The following DHRS7C variants were observed in gnomAD, a reference collection of about 807,000 sequenced individuals.
DHRS7C encodes the protein dehydrogenase/reductase 7C.
In DHRS7C, 28 loss-of-function variants were observed where a neutral mutation model predicts 29.6. The observed-to-expected ratio is 0.95, with a 90% confidence interval of 0.70 to 1.30. The LOEUF is 1.30. DHRS7C is among the 50% of genes most tolerant of loss of function. The pLI is 0.00. For synonymous variants in DHRS7C, 158 were observed against 160.2 expected (o/e 0.99, Z 0.10); for missense variants, 403 against 393.3 (o/e 1.02, Z -0.21).
At position 9,777,177 on chromosome 17, in the gene DHRS7C, T is replaced by A; in HGVS notation, c.571+16A>T. ...CATACAACAGAAGATATCATATTTTTATCTTAGCAACTTACAAGTCGTACG... is the reference window on the plus strand; with the variant it reads ...CATACAACAGAAGATATCATATTTTAATCTTAGCAACTTACAAGTCGTACG... On this transcript the variant is annotated intron_variant, in intron 4 of 5. Coordinates refer to ENST00000571134, the MANE Select transcript of DHRS7C (RefSeq NM_001105571.3). 1 of 1,604,016 alleles carries A rather than the reference T, an allele frequency of 6.2e-7. No individual in the cohort carries two copies. Among genetic ancestry groups the A allele is most frequent in the Non-Finnish European group, 8.5e-7 (1 of 1,172,442 alleles).
rs150575771 is a variant in DHRS7C at position 9,778,980 on chromosome 17, G to T, written c.478+845C>A. On this transcript the variant is annotated intron_variant, in intron 3 of 5. Transcript: ENST00000571134. ...GATGGAGTGCAATGGTGTGATCTTG[G>T]CTCACTGCAACATCAGCCTCCCAGG... is the stretch of plus-strand genomic sequence containing the variant. Among the ~76,000 whole-genome samples, 669 of 152,064 alleles carry T rather than the reference G, an allele frequency of 4.4e-3. 6 individuals are homozygous for T. The highest frequency in any genetic ancestry group is 0.016 in the African/African-American group (649 of 41,502).
chr17:9,778,693 C>T (rs1448294118), intron 3 of DHRS7C, among the ~76,000 whole-genome samples: 1 of 152,178 alleles, frequency 6.6e-6, no homozygotes, highest in Non-Finnish European at 1.5e-5. Context: ...AGTCATCTTT[C>T]TGCCCCAAAT....
intron 1 of DHRS7C, among the ~76,000 whole-genome samples, chr17:9,790,889 T>G (rs577245430): frequency 1.3e-5 from 2 of 152,290 alleles, no homozygotes; most frequent in South Asian, 4.1e-4. Context: ...GCAGACCAGT[T>G]TTAGCCCTTA....
chr17:9,780,115 C>G, intron 2 of DHRS7C, 80 bp from the exon 3 acceptor site: 2 of 1,232,868 alleles, frequency 1.6e-6, no homozygotes, highest in Non-Finnish European at 2.2e-6. Flanking sequence ...GATCTAAAAG[C>G]CACCCATTTT....
intron 3 of DHRS7C, 66 bp from the exon 4 acceptor site, chr17:9,777,351 A>G: frequency 1.4e-6 from 2 of 1,403,788 alleles, no homozygotes; most frequent in Non-Finnish European, 2.0e-6. Context: ...CAGCAGGCAG[A>G]CCCCTGCCCC....
At chr17:9,786,716 T>C (rs888906360) in intron 1 of DHRS7C, among the ~76,000 whole-genome samples, 2 of 152,064 alleles carry the variant, frequency 1.3e-5, no homozygotes, top group African/African-American at 4.8e-5. Context: ...AGAATGATGG[T>C]TGGATATTAC....
Position 9,786,188 on chromosome 17 carries a change from A to T in DHRS7C, c.155-4594T>A, listed in dbSNP as rs762780956. ...AAATACAAAAAAATATTAGCCGGGC[A>T]TGGTGGCAGGTGCCTGTAATCCCAG... On this transcript the variant is annotated intron_variant, in intron 1 of 5. Transcript: ENST00000571134. 2.0e-5 allele frequency among the ~76,000 whole-genome samples: 3 copies of T among 152,012 alleles called. No homozygotes were observed. The East Asian group carries it at 5.8e-4, about 29-fold the overall frequency.
chr17:9,777,406 T>A, intron 3 of DHRS7C, 121 bp from the exon 4 acceptor site: 2 of 667,170 alleles, frequency 3.0e-6, no homozygotes, highest in Non-Finnish European at 5.0e-6. Context: ...GGTAACTAGA[T>A]TGCAGCAGGG....
chr17:9,788,559 C>A (rs1301183534), intron 1 of DHRS7C, among the ~76,000 whole-genome samples: 1 of 152,240 alleles, frequency 6.6e-6, no homozygotes, highest in Non-Finnish European at 1.5e-5. Context: ...CAGGATTCCC[C>A]GCTTGGCCAA....
intron 1 of DHRS7C, among the ~76,000 whole-genome samples, chr17:9,784,992 A>T (rs1449491826): frequency 6.6e-6 from 1 of 152,260 alleles, no homozygotes; most frequent in Non-Finnish European, 1.5e-5. Context: ...TTATGTATGT[A>T]ATAGAATAGT....
At chr17:9,791,047 C>G (rs2066451867) in intron 1 of DHRS7C, 84 bp downstream of exon 1, 2 of 1,494,804 alleles carry the variant, frequency 1.3e-6, no homozygotes, top group East Asian at 2.5e-5. Flanking sequence ...TTTGCCCACA[C>G]AGCGCCCTGC....
Position 9,779,904 on chromosome 17 carries a change from C to G in DHRS7C, c.399G>C (p.Gly133=), listed in dbSNP as rs371028236. 6.2e-7 allele frequency: 1 copy of G among 1,613,718 alleles called. No individual in the cohort carries two copies. The highest frequency in any genetic ancestry group is 2.2e-5 in the East Asian group (1 of 44,884). ...GCTCCAGAGAAATCTTATGGGCAGG[C>G]CCCTTCACCTTCACACTGGCATTGT... ...LINNASVKVK[G]PAHKISLELD... Residue 133 remains glycine (G), a synonymous_variant, in exon 3 of 6, where the codon GGG becomes GGC. Transcript: ENST00000571134.
chr17:9,777,612 G>A lies in DHRS7C; in HGVS notation c.479-327C>T, dbSNP rs139271385. 1.6e-3 allele frequency among the ~76,000 whole-genome samples: 249 copies of A among 151,272 alleles called. 1 individual carries two copies. Among genetic ancestry groups the A allele is most frequent in the African/African-American group, 5.9e-3 (244 of 41,134 alleles). On this transcript the variant is annotated intron_variant, in intron 3 of 5. Transcript: ENST00000571134. ...TTTTGTTTAGATGCAGGGGGAACAC[G>A]TGCAGATTTGTCACATGGGCATATT...
intron 1 of DHRS7C, among the ~76,000 whole-genome samples, chr17:9,783,683 G>A (rs1359454375): frequency 6.6e-6 from 1 of 152,152 alleles, no homozygotes; most frequent in Non-Finnish European, 1.5e-5. Context: ...TAAAAAGTGG[G>A]AGCTGGGCGC....
chr17:9,789,638 A>T (rs148545480), intron 1 of DHRS7C, among the ~76,000 whole-genome samples: 2 of 152,146 alleles, frequency 1.3e-5, no homozygotes, highest in African/African-American at 4.8e-5. Context: ...AGGAAGGAGC[A>T]ATTAAGGTGT....
chr17:9,780,091 C>T, intron 2 of DHRS7C, 56 bp from the exon 3 acceptor site: 3 of 1,496,322 alleles, frequency 2.0e-6, no homozygotes, highest in South Asian at 2.5e-5. Context: ...CTCTTGCAGA[C>T]CTTGGGAGCC....
chr17:9,772,398 G>A (rs1488150249), intron 5 of DHRS7C, among the ~76,000 whole-genome samples: 2 of 152,192 alleles, frequency 1.3e-5, no homozygotes. Context: ...CCTGGCTTTA[G>A]ACTCTCGGCC....
chr17:9,790,578 G>T (rs549438622), intron 1 of DHRS7C, among the ~76,000 whole-genome samples: 3 of 152,350 alleles, frequency 2.0e-5, no homozygotes, highest in African/African-American at 7.2e-5. Flanking sequence ...ATGTGTTCAT[G>T]ATCATCATTA....
chr17:9,774,811 C>T lies in DHRS7C; in HGVS notation c.572-1889G>A, dbSNP rs780390369. ...GTCGGCAGACCCCAGGTCACTCCCA[C>T]GCCAGCTCCTTGTGTCTTTCCAAAG... On this transcript the variant is annotated intron_variant, in intron 4 of 5. Coordinates refer to ENST00000571134, the MANE Select transcript of DHRS7C (RefSeq NM_001105571.3). This position sits in a 1 kb window ranked among gnomAD's most constrained non-coding sequence, Gnocchi z 5.0. 9.2e-5 allele frequency among the ~76,000 whole-genome samples: 14 copies of T among 152,182 alleles called. No homozygotes were observed. Among genetic ancestry groups the T allele is most frequent in the Non-Finnish European group, 1.3e-4 (9 of 68,046 alleles).
Sources: gnomAD v4.1 joint callset for allele counts (sites outside exome capture counted in the v4.1 genomes callset) on GRCh38, gnomAD v4.1.1 for gene constraint, Gnocchi (gnomAD v3.1) non-coding constraint, MANE v1.5 for transcripts, NCBI Gene and HGNC (gene_info 2026-07-23, HGNC 2026-07-21) for gene names.